Variants in PDE6D observed in about 807,000 individuals in gnomAD.
PDE6D encodes the protein retinal rod rhodopsin-sensitive cGMP 3',5'-cyclic phosphodiesterase subunit delta.
In PDE6D, 10 loss-of-function variants were observed where a neutral mutation model predicts 21.9. The ratio of observed to expected loss-of-function variants is 0.46; its 90% CI spans 0.28 to 0.78. PDE6D has a LOEUF of 0.78. Ranked by LOEUF, PDE6D falls within the 30% of genes least tolerant of loss-of-function variation. PDE6D has a pLI of 0.12. For synonymous variants in PDE6D, 59 were observed against 63.5 expected (o/e 0.93, Z 0.34); for missense variants, 139 against 184.8 (o/e 0.75, Z 1.44).
At chr2:231,734,300 T>C (rs2048677891) in intron 4 of PDE6D, among the ~76,000 whole-genome samples, 1 of 152,056 alleles carries the variant, frequency 6.6e-6, no homozygotes, top group Non-Finnish European at 1.5e-5. Context: ...CTTTCAACTT[T>C]ATAGTGGATT....
chr2:231,759,651 A>G (rs1397559830), intron 1 of PDE6D, among the ~76,000 whole-genome samples: 2 of 152,212 alleles, frequency 1.3e-5, no homozygotes, highest in African/African-American at 4.8e-5. Flanking sequence ...AAAAGCTAAT[A>G]AACTGAAGTT....
intron 1 of PDE6D, among the ~76,000 whole-genome samples, chr2:231,753,640 CT>C (rs2048861051): frequency 6.6e-6 from 1 of 151,710 alleles, no homozygotes. Context: ...AAGCCACTAG[CT>C]TTCACATAGA....
intron 1 of PDE6D, among the ~76,000 whole-genome samples, chr2:231,743,408 G>A (rs911839652): frequency 1.5e-5 from 2 of 129,742 alleles, no homozygotes; most frequent in African/African-American, 3.0e-5. Flanking sequence ...CCAGCCTGGC[G>A]ACAGAGCAAG....
chr2:231,777,819 G>A (rs1327384050), intron 1 of PDE6D, among the ~76,000 whole-genome samples: 1 of 152,226 alleles, frequency 6.6e-6, no homozygotes, highest in Non-Finnish European at 1.5e-5. Flanking sequence ...GAAGTACTTA[G>A]ATGTCTACCA....
At chr2:231,760,153 C>T (rs4973479) in intron 1 of PDE6D, among the ~76,000 whole-genome samples, 9,757 of 152,122 alleles carry the variant, frequency 0.064, 689 homozygotes, top group East Asian at 0.35. Context: ...GGGTCACATC[C>T]AAGTAAATTT....
At chr2:231,766,328 C>G (rs1424736290) in intron 1 of PDE6D, among the ~76,000 whole-genome samples, 3 of 152,226 alleles carry the variant, frequency 2.0e-5, no homozygotes, top group Non-Finnish European at 2.9e-5. Context: ...TTCTCCCTAG[C>G]AAAGTCAAAC....
Position 231,739,658 on chromosome 2 carries a change from G to T in PDE6D, c.51-470C>A, listed in dbSNP as rs1408785071. Among the ~76,000 whole-genome samples the T allele has an allele frequency of 1.2e-4, 18 of 150,184 alleles. No homozygotes were observed. The highest frequency in any genetic ancestry group is 1.2e-3 in the Admixed American group (18 of 15,072). On this transcript the variant is annotated intron_variant, in intron 1 of 4. Coordinates refer to ENST00000287600, the MANE Select transcript of PDE6D (RefSeq NM_002601.4). This position sits in a 1 kb window ranked among gnomAD's most constrained non-coding sequence, Gnocchi z 4.2. ...CTCTGTTTTTTTTTTTTGAAACAGAGTCTCACTCTGTCACACAGGCTGGAA... is the reference window on the plus strand; with the variant it reads ...CTCTGTTTTTTTTTTTTGAAACAGATTCTCACTCTGTCACACAGGCTGGAA...
At chr2:231,758,462 T>C (rs2048901025) in intron 1 of PDE6D, among the ~76,000 whole-genome samples, 1 of 152,176 alleles carries the variant, frequency 6.6e-6, no homozygotes, top group African/African-American at 2.4e-5. Flanking sequence ...TACCTTGTGT[T>C]CTAAGAAGCT....
intron 1 of PDE6D, among the ~76,000 whole-genome samples, chr2:231,752,617 T>G (rs1334787706): frequency 1.3e-5 from 2 of 152,108 alleles, no homozygotes; most frequent in African/African-American, 4.8e-5. Context: ...TTGTATTAAT[T>G]AATGTTTGAC....
chr2:231,742,008 T>C (rs2048753299), intron 1 of PDE6D, among the ~76,000 whole-genome samples: 1 of 152,146 alleles, frequency 6.6e-6, no homozygotes, highest in Non-Finnish European at 1.5e-5. Context: ...TTTTTAGAAA[T>C]ACCAAGATGA....
At chr2:231,773,432 A>C (rs2049030417) in intron 1 of PDE6D, among the ~76,000 whole-genome samples, 1 of 152,224 alleles carries the variant, frequency 6.6e-6, no homozygotes, top group African/African-American at 2.4e-5. Flanking sequence ...TATTATGGGA[A>C]ATAATAAACC....
chr2:231,763,001 G>A (rs1359030175), intron 1 of PDE6D, among the ~76,000 whole-genome samples: 1 of 152,030 alleles, frequency 6.6e-6, no homozygotes, highest in Non-Finnish European at 1.5e-5. Flanking sequence ...GCTCCATATT[G>A]CAACATGGAA....
chr2:231,740,998 CGTG>C (rs1559311026), intron 1 of PDE6D, among the ~76,000 whole-genome samples: 2 of 150,374 alleles, frequency 1.3e-5, no homozygotes, highest in East Asian at 2.0e-4. Context: ...ATTAGCCAGA[CGTG>C]GTGGTGCCTG....
intron 1 of PDE6D, among the ~76,000 whole-genome samples, chr2:231,749,243 G>A (rs2048818630): frequency 6.6e-6 from 1 of 152,158 alleles, no homozygotes. Context: ...CCCGCCTCTT[G>A]CATCACCGTG....
chr2:231,743,860 C>A (rs1194184398), intron 1 of PDE6D, among the ~76,000 whole-genome samples: 1 of 152,096 alleles, frequency 6.6e-6, no homozygotes, highest in South Asian at 2.1e-4. Context: ...AGAAGGAAAA[C>A]AACAGATACT....
At chr2:231,771,431 C>A (rs1341798918) in intron 1 of PDE6D, among the ~76,000 whole-genome samples, 2 of 152,166 alleles carry the variant, frequency 1.3e-5, no homozygotes, top group African/African-American at 4.8e-5. Flanking sequence ...CCTCGTCGAT[C>A]CTCAATTCCT....
chr2:231,770,766 A>G (rs2049008685), intron 1 of PDE6D, among the ~76,000 whole-genome samples: 1 of 152,152 alleles, frequency 6.6e-6, no homozygotes, highest in South Asian at 2.1e-4. Flanking sequence ...GGGTCTGGCC[A>G]ACGTGGTGAA....
intron 1 of PDE6D, among the ~76,000 whole-genome samples, chr2:231,755,523 T>A: frequency 6.6e-6 from 1 of 151,952 alleles, no homozygotes; most frequent in East Asian, 1.9e-4. Context: ...GGTCAGGAGT[T>A]CAAGATCAGC....
chr2:231,776,789 T>C (rs1386585596), intron 1 of PDE6D, among the ~76,000 whole-genome samples: 1 of 152,226 alleles, frequency 6.6e-6, no homozygotes, highest in Admixed American at 6.5e-5. Flanking sequence ...CTGCTTAAAA[T>C]AATCAAATCC....
Sources: allele counts gnomAD v4.1 joint callset (sites outside exome capture counted in the v4.1 genomes callset), GRCh38; gene constraint gnomAD v4.1.1; non-coding constraint Gnocchi (gnomAD v3.1); transcripts MANE v1.5; gene names NCBI Gene and HGNC (gene_info 2026-07-23, HGNC 2026-07-21).